The following IL6ST variants were observed in gnomAD, a reference collection of about 807,000 sequenced individuals.
IL6ST encodes the protein interleukin-6 receptor subunit beta.
IL6ST carries 24 observed loss-of-function variants against 91.3 expected under a neutral mutation model. The observed-to-expected ratio is 0.26, with a 90% CI of 0.19 to 0.37. The LOEUF (loss-of-function observed/expected upper bound fraction) is 0.37. IL6ST is among the 10% of genes least tolerant of loss of function. IL6ST has a pLI of 1.00. For synonymous variants in IL6ST, 351 were observed against 373.6 expected (o/e 0.94, Z 0.70); for missense variants, 914 against 1,078.5 (o/e 0.85, Z 2.14).
rs1268329383 is a variant in IL6ST at position 55,936,651 on chromosome 5, T to C, written c.*4431A>G. Reference sequence around the variant, plus strand: ...TAGTAACCACATACAGAAAAAAAATTTGAACAAGTATTTATTTCTTAAAAT... The same window carrying C: ...TAGTAACCACATACAGAAAAAAAATCTGAACAAGTATTTATTTCTTAAAAT... On this transcript the variant is annotated 3_prime_UTR_variant, in exon 17 of 17. Transcript: ENST00000381298. 4 of 195,318 alleles carry C rather than the reference T, an allele frequency of 2.0e-5. No homozygotes were observed. Among genetic ancestry groups the C allele is most frequent in the African/African-American group, 4.6e-5 (2 of 43,302 alleles). The allele number at this position is 195,318 out of a possible 1,614,324, so 12.1% of individuals were successfully genotyped here. A position where few individuals can be genotyped will look rare whatever the true frequency, so the allele number is the denominator to read the frequency against.
At chr5:55,989,504 A>T (rs910683291) in intron 1 of IL6ST, among the ~76,000 whole-genome samples, 4 of 152,246 alleles carry the variant, frequency 2.6e-5, no homozygotes, top group African/African-American at 9.6e-5. Context: ...AAAAACACAT[A>T]GAATATGCTT....
intron 1 of IL6ST, among the ~76,000 whole-genome samples, chr5:55,987,807 C>G (rs1468685643): frequency 6.6e-6 from 1 of 152,166 alleles, no homozygotes; most frequent in Non-Finnish European, 1.5e-5. Flanking sequence ...ATTAGTGCAG[C>G]TCTTGCTGTT....
At chr5:55,966,496 A>G (rs1752637783) in intron 5 of IL6ST, among the ~76,000 whole-genome samples, 1 of 152,190 alleles carries the variant, frequency 6.6e-6, no homozygotes, top group African/African-American at 2.4e-5. Context: ...TTGTGTTTTC[A>G]CTATATGTAA....
chr5:55,954,208 T>C (rs1270007424), intron 11 of IL6ST, among the ~76,000 whole-genome samples: 2 of 152,224 alleles, frequency 1.3e-5, no homozygotes, highest in Non-Finnish European at 2.9e-5. Context: ...ATTAACCATA[T>C]TATTCACAGC....
chr5:55,963,375 T>C lies in IL6ST; in HGVS notation c.790A>G (p.Lys264Glu), dbSNP rs1752441949. ...ACCTGGCTCCAAGTTGAGGCATCTT[T>C]GGTCCTATATTGAATGTTATATTTT... ...ILKYNIQYRTKDASTWSQIPP... is the reference protein window; with the variant it reads ...ILKYNIQYRTEDASTWSQIPP... Residue 264 changes from lysine (K) to glutamate (E), a missense_variant, in exon 7 of 17, where the codon AAA (lysine) becomes GAA (glutamate). Physicochemically the swap from Lys to Glu is moderately conservative, Grantham distance 56. Coordinates refer to ENST00000381298, the MANE Select transcript of IL6ST (RefSeq NM_002184.4). 2.5e-6 allele frequency: 4 copies of C among 1,586,806 alleles called. No homozygotes were observed. The South Asian group carries it at 3.5e-5, about 14-fold the overall frequency.
At position 55,938,673 on chromosome 5, in the gene IL6ST, G is replaced by A. The variant is rs554497148; in HGVS notation, c.*2409C>T. ...TTTACATAAATAACCAGATTTCTTT[G>A]CCTACCTAAAGTACAATTTACATGC... is the stretch of plus-strand genomic sequence containing the variant. On this transcript the variant is annotated 3_prime_UTR_variant, in exon 17 of 17. Transcript: ENST00000381298. 5.1e-6 allele frequency: 1 copy of A among 196,832 alleles called. No individual in the cohort carries two copies. Among genetic ancestry groups the A allele is most frequent in the Non-Finnish European group, 1.1e-5 (1 of 94,892 alleles). 12.2% of individuals were successfully genotyped at this position (196,832 alleles called of 1,614,324 possible).
rs999689986 is a variant in IL6ST, at chr5:55,935,614, A to G, written c.*5468T>C. 20 of 219,012 alleles carry G rather than the reference A, an allele frequency of 9.1e-5. No individual in the cohort carries two copies. The highest frequency in any genetic ancestry group is 2.7e-4 in the African/African-American group (12 of 44,546). 13.6% of individuals were successfully genotyped at this position (219,012 alleles called of 1,614,324 possible). A position where few individuals can be genotyped will look rare whatever the true frequency, so the allele number is the denominator to read the frequency against. On this transcript the variant is annotated 3_prime_UTR_variant, in exon 17 of 17. Transcript: ENST00000381298. ...GCTGAGCTTCCTGCTGCTTTCACACATTCTTCTTTTTCTACCTCAGTTCCT... is the reference window on the plus strand; with the variant it reads ...GCTGAGCTTCCTGCTGCTTTCACACGTTCTTCTTTTTCTACCTCAGTTCCT...
chr5:55,945,676 T>TTTTC (rs1554023164), intron 15 of IL6ST, among the ~76,000 whole-genome samples: 2 of 133,948 alleles, frequency 1.5e-5, no homozygotes, highest in African/African-American at 3.2e-5. Context: ...TTTTTTTTTT[T>TTTTC]CAGACACTCT....
rs897478872 is a variant in IL6ST at position 55,936,398 on chromosome 5, A to G, written c.*4684T>C. 3 of 211,220 alleles carry G rather than the reference A, an allele frequency of 1.4e-5. No individual in the cohort carries two copies. Among genetic ancestry groups the G allele is most frequent in the African/African-American group, 4.7e-5 (2 of 42,290 alleles). The allele number at this position is 211,220 out of a possible 1,614,324, so 13.1% of individuals were successfully genotyped here. The stretch of plus-strand genomic sequence containing the variant: ...CTAGGAGGGAGGATGCTACGATTTC[A>G]GACCTCAGCTATTAAATAGTAAATC... On this transcript the variant is annotated 3_prime_UTR_variant, in exon 17 of 17. Coordinates refer to ENST00000381298, the MANE Select transcript of IL6ST (RefSeq NM_002184.4).
intron 4 of IL6ST, among the ~76,000 whole-genome samples, 190 bp from the exon 5 acceptor site, chr5:55,968,586 G>A (rs1272308957): frequency 6.6e-6 from 1 of 152,134 alleles, no homozygotes; most frequent in Non-Finnish European, 1.5e-5. Context: ...TTTTCAGGAA[G>A]TAATATATAT....
At chr5:55,988,955 A>T (rs10052808) in intron 1 of IL6ST, among the ~76,000 whole-genome samples, 12,569 of 148,134 alleles carry the variant, frequency 0.085, 662 homozygotes, top group Non-Finnish European at 0.12. Flanking sequence ...TATAAAAAAT[A>T]AAAAAAAAAT....
intron 3 of IL6ST, among the ~76,000 whole-genome samples, chr5:55,971,210 A>AG (rs1359770945): frequency 6.6e-6 from 1 of 152,208 alleles, no homozygotes; most frequent in African/African-American, 2.4e-5. Context: ...CCAGACATCC[A>AG]GGACAGATAC....
At position 55,954,965 on chromosome 5, in the gene IL6ST, G is replaced by A. The variant is rs1402025456; in HGVS notation, c.1295C>T (p.Ala432Val). ...CCAAAGCATGTTATCTTTGGGGAATGCTTTAAGATCCATTACAGGGTGAGT... is the reference window on the plus strand; with the variant it reads ...CCAAAGCATGTTATCTTTGGGGAATACTTTAAGATCCATTACAGGGTGAGT... ...QATHPVMDLK[A>V]FPKDNMLWVE... is the part of the protein sequence containing the mutation. Residue 432 changes from alanine (A) to valine (V), a missense_variant, in exon 11 of 17, where the codon GCA becomes GTA. Transcript: ENST00000381298. The A allele has an allele frequency of 1.2e-6, 2 of 1,610,224 alleles. No individual in the cohort carries two copies.
intron 14 of IL6ST, among the ~76,000 whole-genome samples, chr5:55,949,956 T>C (rs1751520707): frequency 6.6e-6 from 1 of 152,136 alleles, no homozygotes; most frequent in South Asian, 2.1e-4. Flanking sequence ...TTAGGGAAGA[T>C]ACAGAAGAGC....
At chr5:55,965,591 G>C in intron 5 of IL6ST, among the ~76,000 whole-genome samples, 1 of 152,060 alleles carries the variant, frequency 6.6e-6, no homozygotes, top group Admixed American at 6.6e-5. Flanking sequence ...TGAAACCAGA[G>C]AGTTTTGGGA....
At chr5:55,945,854 T>TAACACA (rs1317936827) in intron 15 of IL6ST, among the ~76,000 whole-genome samples, 9 of 151,916 alleles carry the variant, frequency 5.9e-5, no homozygotes, top group Non-Finnish European at 1.2e-4. Context: ...AGCCACTGTG[T>TAACACA]TAGCCAGGAT....
rs1750652954 is a variant in IL6ST at position 55,938,167 on chromosome 5, T to C, written c.*2915A>G. ...ACTAACTTCACAATAAGAGCTAGGGTCACTGGATGACTTCATGTGGTAAAA... is the reference window on the plus strand; with the variant it reads ...ACTAACTTCACAATAAGAGCTAGGGCCACTGGATGACTTCATGTGGTAAAA... On this transcript the variant is annotated 3_prime_UTR_variant, in exon 17 of 17. Transcript: ENST00000381298. The C allele has an allele frequency of 5.2e-6, 1 of 191,682 alleles. No homozygotes were observed. The highest frequency in any genetic ancestry group is 1.1e-5 in the Non-Finnish European group (1 of 91,560). 11.9% of individuals were successfully genotyped at this position (191,682 alleles called of 1,614,324 possible). A position where few individuals can be genotyped will look rare whatever the true frequency, so the allele number is the denominator to read the frequency against.
intron 1 of IL6ST, among the ~76,000 whole-genome samples, chr5:55,986,834 C>A (rs1009923448): frequency 2.0e-5 from 3 of 152,120 alleles, no homozygotes; most frequent in Non-Finnish European, 4.4e-5. Context: ...TTTCTCCCCC[C>A]AGACCTTTGT....
intron 3 of IL6ST, among the ~76,000 whole-genome samples, chr5:55,970,885 G>C (rs1043053052): frequency 6.6e-6 from 1 of 152,134 alleles, no homozygotes; most frequent in Non-Finnish European, 1.5e-5. Flanking sequence ...TTGGGAGACA[G>C]AGTGAGACAG....
Sources: gnomAD v4.1 joint callset for allele counts (sites outside exome capture counted in the v4.1 genomes callset) on GRCh38, gnomAD v4.1.1 for gene constraint, MANE v1.5 for transcripts, NCBI Gene and HGNC (gene_info 2026-07-23, HGNC 2026-07-21) for gene names.